Variants in GPN2 observed in about 807,000 individuals in gnomAD.
GPN2 encodes the protein GPN-loop GTPase 2, also known as ATP-binding domain 1 family member B.
A neutral mutation model predicts 30.1 loss-of-function variants in GPN2; 27 were observed. That is an observed-to-expected ratio of 0.90 (90% CI 0.66 to 1.24). The LOEUF is 1.24. Among genes scored for constraint, GPN2 ranks in the 50% most tolerant of loss-of-function variants. GPN2 has a pLI of 0.00. For missense variants in GPN2, 406 were observed against 405.4 expected, an observed-to-expected ratio of 1.00 and a Z score of -0.01; for synonymous variants, 212 against 174.4, an observed-to-expected ratio of 1.22 and a Z score of -1.70.
Position 26,879,568 on chromosome 1 carries a change from GCCAGCTCTGGCTGGGAGGACT to G in GPN2, c.*88_*108del. ...GAGCTGAATATCCCCTTGCCAGCCC[GCCAGCTCTGGCTGGGAGGACT>G]TGCTCTTGGGTCTGCAGCCTGCATC... On this transcript the variant is annotated 3_prime_UTR_variant, in exon 5 of 5. Coordinates refer to ENST00000374135, the MANE Select transcript of GPN2 (RefSeq NM_018066.4). The G allele has an allele frequency of 1.2e-6, 1 of 831,668 alleles. No individual in the cohort carries two copies. Among genetic ancestry groups the G allele is most frequent in the Non-Finnish European group, 2.0e-6 (1 of 497,320 alleles). 51.5% of individuals were successfully genotyped at this position (831,668 alleles called of 1,614,324 possible). A position where few individuals can be genotyped will look rare whatever the true frequency, so the allele number is the denominator to read the frequency against.
Position 26,879,364 on chromosome 1 carries a change from T to G in GPN2, c.*313A>C. 3.2e-6 allele frequency: 1 copy of G among 317,160 alleles called. No homozygotes were observed. 19.6% of individuals were successfully genotyped at this position (317,160 alleles called of 1,614,324 possible). A position where few individuals can be genotyped will look rare whatever the true frequency, so the allele number is the denominator to read the frequency against. ...TGGGCCCGGAAGACTGAAGAAAAGT[T>G]TGGAAGTCACAAAAAGTAGAAAATA... is the stretch of plus-strand genomic sequence containing the variant. On this transcript the variant is annotated 3_prime_UTR_variant, in exon 5 of 5. Transcript: ENST00000374135.
chr1:26,879,633 C>T lies in GPN2; in HGVS notation c.*44G>A. On this transcript the variant is annotated 3_prime_UTR_variant, in exon 5 of 5. Transcript: ENST00000374135. The stretch of plus-strand genomic sequence containing the variant: ...CTGCATCAGGAGCCTCCACTTTCCC[C>T]AGTGCTGGATTATGCATCCTGCTCT... 7.0e-7 allele frequency: 1 copy of T among 1,427,594 alleles called. No individual in the cohort carries two copies. Among genetic ancestry groups the T allele is most frequent in the East Asian group, 2.3e-5 (1 of 43,654 alleles). The allele number at this position is 1,427,594 out of a possible 1,614,324, so 88.4% of individuals were successfully genotyped here.
chr1:26,884,287 T>C lies in GPN2; in HGVS notation c.733A>G (p.Lys245Glu), dbSNP rs1177092256. 1.7e-5 allele frequency: 27 copies of C among 1,608,112 alleles called. No individual in the cohort carries two copies. Among genetic ancestry groups the C allele is most frequent in the Non-Finnish European group, 2.3e-5 (27 of 1,178,364 alleles). ...TGCAGGACTCGCTGGATGCTCTCCT[T>C]GTCCTGAGCAGGGAGGAGAGAAACA... Reference protein sequence around the residue: ...VSFIPLNIQDKESIQRVLQAV... With the variant: ...VSFIPLNIQDEESIQRVLQAV... The change falls in exon 4 of 5, where the codon AAG becomes GAG. Residue 245 changes from lysine (K) to glutamate (E), a missense_variant. Lys to Glu is a moderately conservative substitution (Grantham distance 56). Transcript: ENST00000374135.
Position 26,878,380 on chromosome 1 carries a change from C to G in GPN2, c.*1297G>C, listed in dbSNP as rs539949617. On this transcript the variant is annotated 3_prime_UTR_variant, in exon 5 of 5. Transcript: ENST00000374135. ...CACTGCAACCTCCGCCTCCTGGGTT[C>G]AAGCAATTCTTCTGCCTCAGCCTCC... 6.6e-6 allele frequency: 1 copy of G among 152,356 alleles called. No homozygotes were observed. The highest frequency in any genetic ancestry group is 2.4e-5 in the African/African-American group (1 of 41,552). The allele number at this position is 152,356 out of a possible 1,614,324, so 9.4% of individuals were successfully genotyped here.
At chr1:26,884,051 A>G (rs2081877891) in intron 4 of GPN2, 109 bp downstream of exon 4, 1 of 907,848 alleles carries the variant, frequency 1.1e-6, no homozygotes, top group Non-Finnish European at 1.6e-6. Context: ...AAAAAAAAAA[A>G]AAAAAAAGAA....
intron 3 of GPN2, 62 bp downstream of exon 3, chr1:26,885,911 C>A: frequency 7.6e-7 from 1 of 1,317,610 alleles, no homozygotes; most frequent in East Asian, 2.3e-5. Flanking sequence ...CTCAAAGCTT[C>A]CTGTGCTTTT....
chr1:26,883,082 C>A (rs1368160693), intron 4 of GPN2, among the ~76,000 whole-genome samples: 1 of 152,204 alleles, frequency 6.6e-6, no homozygotes, highest in Non-Finnish European at 1.5e-5. Flanking sequence ...CTGTAAAACT[C>A]TTTTGCCCCC....
At chr1:26,887,683 TCCTGAGTAGCTGGGACTACA>T in intron 2 of GPN2, among the ~76,000 whole-genome samples, 1 of 151,460 alleles carries the variant, frequency 6.6e-6, no homozygotes, top group Middle Eastern at 3.4e-3. Context: ...TGCCTCAGCC[TCCTGAGTAGCTGGGACTACA>T]GGTGCCCGCC....
Position 26,888,977 on chromosome 1 carries a change from C to T in GPN2, c.560G>A (p.Gly187Glu), listed in dbSNP as rs768181287. 1.9e-6 allele frequency: 3 copies of T among 1,614,094 alleles called. No homozygotes were observed. The African/African-American group carries it at 4.0e-5, about 22-fold the overall frequency. Residue 187 changes from glycine to glutamate, a missense_variant, in exon 2 of 5, where the codon GGG (glycine) becomes GAG (glutamate). Physicochemically the swap from Gly to Glu is moderately conservative, Grantham distance 98. Transcript: ENST00000374135. ...LSKMDLIEHY[G>E]KLAFNLDYYT... ...GGAACAGAAGCTCTTACCCAGCTTC[C>T]CATAATGCTCAATGAGGTCCATCTT... is the stretch of plus-strand genomic sequence containing the variant.
intron 4 of GPN2, among the ~76,000 whole-genome samples, chr1:26,882,237 G>A (rs1045262736): frequency 6.7e-5 from 10 of 149,194 alleles, no homozygotes; most frequent in Admixed American, 6.7e-4. Context: ...AAAAAAAAAG[G>A]GCCAGGTGTG....
rs1410979206 is a variant in GPN2 at position 26,889,986 on chromosome 1, G to A, written c.111C>T (p.Gly37=). 6.2e-6 allele frequency: 10 copies of A among 1,602,020 alleles called. No individual in the cohort carries two copies. Among genetic ancestry groups the A allele is most frequent in the Non-Finnish European group, 7.6e-6 (9 of 1,179,114 alleles). Residue 37 remains glycine (G), a synonymous_variant, in exon 1 of 5, where the codon GGC becomes GGT. Coordinates refer to ENST00000374135, the MANE Select transcript of GPN2 (RefSeq NM_018066.4). ...LGMSEFLRAL[G]RRVAVVNLDP... Reference sequence around the variant, plus strand: ...CCAGGTTCACCACCGCCACGCGCCGGCCCAGCGCGCGCAGGAACTCACTCA... The same window carrying A: ...CCAGGTTCACCACCGCCACGCGCCGACCCAGCGCGCGCAGGAACTCACTCA...
chr1:26,885,328 A>G (rs921794016), intron 3 of GPN2, among the ~76,000 whole-genome samples: 1 of 152,282 alleles, frequency 6.6e-6, no homozygotes, highest in South Asian at 2.1e-4. Flanking sequence ...TGCAAAGTCA[A>G]CAGACAGTTG....
At chr1:26,886,531 A>T in intron 2 of GPN2, 1 of 447,800 alleles carries the variant, frequency 2.2e-6, no homozygotes, top group South Asian at 1.6e-5. Context: ...TTCTCCTAAA[A>T]ATACAAAATT....
At chr1:26,881,774 C>A (rs1036536182) in intron 4 of GPN2, among the ~76,000 whole-genome samples, 1 of 152,062 alleles carries the variant, frequency 6.6e-6, no homozygotes, top group Non-Finnish European at 1.5e-5. Context: ...CAGCTGGGGA[C>A]GATGGCTCAT....
chr1:26,889,471 C>T (rs2081908606), intron 1 of GPN2, among the ~76,000 whole-genome samples: 1 of 152,208 alleles, frequency 6.6e-6, no homozygotes, highest in Non-Finnish European at 1.5e-5. Context: ...GCTACTAACA[C>T]ATTTTACACG....
chr1:26,889,782 G>C lies in GPN2; in HGVS notation c.315C>G (p.His105Gln). The C allele has an allele frequency of 6.2e-7, 1 of 1,613,972 alleles. No homozygotes were observed. The change falls in exon 1 of 5, where the codon CAC becomes CAG. Residue 105 changes from histidine (H) to glutamine (Q), a missense_variant. Coordinates refer to ENST00000374135, the MANE Select transcript of GPN2 (RefSeq NM_018066.4). ...LRAKLDPLRG[H>Q]YFLFDCPGQV... is the part of the protein sequence containing the mutation. ...GGCCTGGGCAGTCGAAGAGGAAGTA[G>C]TGGCCGCGGAGGGGGTCGAGCTTGG...
At chr1:26,886,198 CT>C in intron 2 of GPN2, 65 bp from the exon 3 acceptor site, 3 of 1,163,636 alleles carry the variant, frequency 2.6e-6, no homozygotes, top group Non-Finnish European at 2.5e-6. Context: ...GACGAGGTTC[CT>C]TTTTCCTTTT....
At chr1:26,887,564 ATT>A (rs879518582) in intron 2 of GPN2, among the ~76,000 whole-genome samples, 8 of 142,860 alleles carry the variant, frequency 5.6e-5, no homozygotes, top group Admixed American at 7.0e-5. Flanking sequence ...GAGAGTACTA[ATT>A]TTTTTTTTTT....
intron 2 of GPN2, among the ~76,000 whole-genome samples, chr1:26,887,564 A>ATT (rs879518582): frequency 4.2e-5 from 6 of 142,918 alleles, no homozygotes; most frequent in Non-Finnish European, 6.2e-5. Flanking sequence ...GAGAGTACTA[A>ATT]TTTTTTTTTT....
Sources: gnomAD v4.1 joint callset for allele counts (sites outside exome capture counted in the v4.1 genomes callset) on GRCh38, gnomAD v4.1.1 for gene constraint, MANE v1.5 for transcripts, NCBI Gene and HGNC (gene_info 2026-07-23, HGNC 2026-07-21) for gene names.